The following NR3C2 variants were observed in gnomAD, a reference collection of about 807,000 sequenced individuals.
NR3C2 encodes the protein nuclear receptor subfamily 3 group C member 2.
In NR3C2, 15 loss-of-function variants were observed where a neutral mutation model predicts 86.4. The ratio of observed to expected loss-of-function variants is 0.17; its 90% CI spans 0.12 to 0.27. NR3C2 has a LOEUF of 0.27. NR3C2 is among the 10% of genes least tolerant of loss of function. The probability of loss-of-function intolerance (pLI) is 1.00; values close to 1 mark genes in which losing one functional copy is unlikely to be tolerated. For synonymous variants in NR3C2, 458 were observed against 450.5 expected (o/e 1.02, Z -0.21); for missense variants, 960 against 1,195.6 (o/e 0.80, Z 2.91).
intron 6 of NR3C2, among the ~76,000 whole-genome samples, chr4:148,132,076 A>C (rs1468156835): frequency 6.6e-6 from 1 of 152,228 alleles, no homozygotes. Context: ...AAAATAACTT[A>C]TATAGTCAGC....
chr4:148,376,604 C>T (rs1746693438), intron 2 of NR3C2, among the ~76,000 whole-genome samples: 1 of 152,102 alleles, frequency 6.6e-6, no homozygotes, highest in African/African-American at 2.4e-5. Flanking sequence ...AAAAATGCAA[C>T]CTATCTATTA....
chr4:148,371,948 A>T (rs1746444060), intron 2 of NR3C2, among the ~76,000 whole-genome samples: 1 of 152,138 alleles, frequency 6.6e-6, no homozygotes, highest in Admixed American at 6.5e-5. Context: ...TTTTTCATTT[A>T]TTCATTCCAG....
At chr4:148,289,552 C>T (rs1741698193) in intron 2 of NR3C2, among the ~76,000 whole-genome samples, 1 of 152,104 alleles carries the variant, frequency 6.6e-6, no homozygotes, top group Admixed American at 6.6e-5. Context: ...ACCAAAATGA[C>T]TGACAATCAT....
intron 2 of NR3C2, among the ~76,000 whole-genome samples, chr4:148,271,371 T>C (rs138183007): frequency 1.5e-4 from 23 of 152,260 alleles, no homozygotes; most frequent in Admixed American, 2.6e-4. Flanking sequence ...TTTCTTTGGG[T>C]CTTTGTTTTT....
Position 148,414,014 on chromosome 4 carries a change from C to T in NR3C2, c.1757+21090G>A, listed in dbSNP as rs184486646. Among the ~76,000 whole-genome samples the T allele has an allele frequency of 5.2e-3, 791 of 152,230 alleles. 27 individuals are homozygous for T. The highest frequency in any genetic ancestry group is 1.6e-3 in the Non-Finnish European group (106 of 67,998). ...CAGACATTTACAAAATTTGTCTCTG[C>T]AGCACTACTTTTATCAGCAATAAAA... On this transcript the variant is annotated intron_variant, in intron 2 of 8. Transcript: ENST00000358102.
chr4:148,332,068 T>C (rs1744257359), intron 2 of NR3C2, among the ~76,000 whole-genome samples: 1 of 152,166 alleles, frequency 6.6e-6, no homozygotes, highest in Non-Finnish European at 1.5e-5. Context: ...ACTTACAAAC[T>C]TGAAAATAGT....
At chr4:148,105,413 C>T (rs140244887) in intron 8 of NR3C2, among the ~76,000 whole-genome samples, 4,057 of 152,240 alleles carry the variant, frequency 0.027, 184 homozygotes, top group African/African-American at 0.092. Context: ...AAGCCCAGGA[C>T]TAGACGGATT....
At chr4:148,368,715 C>T (rs1197204359) in intron 2 of NR3C2, among the ~76,000 whole-genome samples, 1 of 151,994 alleles carries the variant, frequency 6.6e-6, no homozygotes, top group African/African-American at 2.4e-5. Context: ...TGGAAACCAG[C>T]AATGGGGAGA....
intron 3 of NR3C2, among the ~76,000 whole-genome samples, chr4:148,259,153 C>CT (rs1244702173): frequency 3.3e-5 from 5 of 152,176 alleles, no homozygotes; most frequent in African/African-American, 1.2e-4. Flanking sequence ...GAAAACTTCT[C>CT]TGAGAAATAA....
At chr4:148,150,316 G>A (rs778956063) in intron 6 of NR3C2, among the ~76,000 whole-genome samples, 1 of 152,074 alleles carries the variant, frequency 6.6e-6, no homozygotes, top group Non-Finnish European at 1.5e-5. Context: ...ATTTTGTTTC[G>A]TGTGTATTTC....
At chr4:148,304,208 CAT>C (rs1742488366) in intron 2 of NR3C2, among the ~76,000 whole-genome samples, 1 of 152,092 alleles carries the variant, frequency 6.6e-6, no homozygotes, top group African/African-American at 2.4e-5. Flanking sequence ...CCCTCGGATG[CAT>C]CCTCCAAACT....
At chr4:148,163,274 C>T (rs1560954615) in intron 4 of NR3C2, among the ~76,000 whole-genome samples, 1 of 152,214 alleles carries the variant, frequency 6.6e-6, no homozygotes, top group African/African-American at 2.4e-5. Context: ...GGCAGTTCTG[C>T]CCTAAGGTAG....
At chr4:148,156,400 T>C (rs1578950984) in intron 4 of NR3C2, among the ~76,000 whole-genome samples, 1 of 151,478 alleles carries the variant, frequency 6.6e-6, no homozygotes, top group East Asian at 1.9e-4. Flanking sequence ...TACAATGAAC[T>C]CAAACAAATT....
intron 2 of NR3C2, among the ~76,000 whole-genome samples, chr4:148,353,167 T>C (rs1329810024): frequency 1.3e-5 from 2 of 152,108 alleles, no homozygotes; most frequent in South Asian, 2.1e-4. Flanking sequence ...CCAGATAATA[T>C]AGTATTTTAG....
At chr4:148,149,758 A>G (rs1734023946) in intron 6 of NR3C2, among the ~76,000 whole-genome samples, 1 of 152,234 alleles carries the variant, frequency 6.6e-6, no homozygotes, top group African/African-American at 2.4e-5. Flanking sequence ...TTACATGAAC[A>G]GTTCTACAGA....
chr4:148,251,029 T>C (rs1002388314), intron 3 of NR3C2, among the ~76,000 whole-genome samples: 5 of 151,934 alleles, frequency 3.3e-5, no homozygotes, highest in African/African-American at 1.2e-4. Context: ...CAGCTCACTA[T>C]AGCCACAATA....
At chr4:148,280,611 A>G (rs780262509) in intron 2 of NR3C2, among the ~76,000 whole-genome samples, 3 of 152,110 alleles carry the variant, frequency 2.0e-5, no homozygotes, top group Non-Finnish European at 2.9e-5. Flanking sequence ...TAATCCTCCC[A>G]TCTCAGCCTC....
chr4:148,373,153 A>G (rs1005883934), intron 2 of NR3C2, among the ~76,000 whole-genome samples: 4 of 152,188 alleles, frequency 2.6e-5, no homozygotes, highest in African/African-American at 9.7e-5. Context: ...CCACTAAGAT[A>G]TTCAACCCTC....
chr4:148,133,134 G>A (rs965561995), intron 6 of NR3C2, among the ~76,000 whole-genome samples: 2 of 151,640 alleles, frequency 1.3e-5, no homozygotes, highest in Admixed American at 1.3e-4. Context: ...CTGAGGACGC[G>A]GTGAGCCATG....
Sources: allele counts gnomAD v4.1 joint callset (sites outside exome capture counted in the v4.1 genomes callset), GRCh38; gene constraint gnomAD v4.1.1; transcripts MANE v1.5; gene names NCBI Gene and HGNC (gene_info 2026-07-23, HGNC 2026-07-21).